The following TRPV4 variants were observed in gnomAD, a reference collection of about 807,000 sequenced individuals.
TRPV4 encodes OSM9-like transient receptor potential channel 4.
TRPV4 carries 58 observed loss-of-function variants against 84.1 expected under a neutral mutation model. That is an observed-to-expected ratio of 0.69 (90% confidence interval 0.56 to 0.86). The LOEUF is 0.86. Among genes scored for constraint, TRPV4 ranks in the 40% least tolerant of loss-of-function variants. TRPV4 has a pLI of 0.00. For missense variants in TRPV4, 879 were observed against 1,181.1 expected (o/e 0.74, Z 3.75); for synonymous variants, 489 against 500.9 (o/e 0.98, Z 0.32).
rs370996710 is a variant in TRPV4, at chr12:109,792,041, G to A, written c.1891+322C>T. On this transcript the variant is annotated intron_variant, in intron 12 of 15. Coordinates refer to ENST00000261740, the MANE Select transcript of TRPV4 (RefSeq NM_021625.5). ...AGGTCAGGAGTTCAAGACCAGCATG[G>A]CCAACATGGTGAAACCCCATCTCTA... Among the ~76,000 whole-genome samples, 37 of 149,370 alleles carry A rather than the reference G, an allele frequency of 2.5e-4. No individual in the cohort carries two copies. The East Asian group carries it at 6.3e-3, about 25-fold the overall frequency.
intron 2 of TRPV4, among the ~76,000 whole-genome samples, chr12:109,812,107 C>A (rs575191600): frequency 1.3e-4 from 20 of 152,174 alleles, no homozygotes; most frequent in Admixed American, 2.0e-4. Flanking sequence ...AGGGAGTCTG[C>A]AGGTGACAGA....
At position 109,788,320 on chromosome 12, in the gene TRPV4, C is replaced by T. The variant is rs987602470; in HGVS notation, c.2208+80G>A. 5 of 1,405,218 alleles carry T rather than the reference C, an allele frequency of 3.6e-6. No homozygotes were observed. In the African/African-American group the frequency reaches 7.1e-5, roughly 20 times the overall value. The allele number at this position is 1,405,218 out of a possible 1,614,324, so 87.0% of individuals were successfully genotyped here. A position where few individuals can be genotyped will look rare whatever the true frequency, so the allele number is the denominator to read the frequency against. On this transcript the variant is annotated intron_variant, in intron 13 of 15. Coordinates refer to ENST00000261740, the MANE Select transcript of TRPV4 (RefSeq NM_021625.5). ...GACACTGCTTGCTCAGAGTGGAAGGCCGAGGAAGCCAGTCGGGTGGGTCTC... is the reference window on the plus strand; with the variant it reads ...GACACTGCTTGCTCAGAGTGGAAGGTCGAGGAAGCCAGTCGGGTGGGTCTC...
At chr12:109,794,239 A>G (rs1592830660) in intron 8 of TRPV4, 90 bp downstream of exon 8, 1 of 1,521,230 alleles carries the variant, frequency 6.6e-7, no homozygotes, top group Non-Finnish European at 9.0e-7. Flanking sequence ...GTCCCCCTAC[A>G]GGGGACCCAG....
At chr12:109,820,084 A>G (rs1312744066) in intron 1 of TRPV4, among the ~76,000 whole-genome samples, 3 of 152,178 alleles carry the variant, frequency 2.0e-5, no homozygotes, top group Non-Finnish European at 4.4e-5. Flanking sequence ...AGCACCTACT[A>G]TGTGCCAGGC....
At chr12:109,808,132 A>G (rs1375709003) in intron 3 of TRPV4, among the ~76,000 whole-genome samples, 164 bp downstream of exon 3, 1 of 152,224 alleles carries the variant, frequency 6.6e-6, no homozygotes, top group African/African-American at 2.4e-5. Flanking sequence ...GTTAAGTAAC[A>G]TGGTGAAGGA....
Position 109,793,613 on chromosome 12 carries a change from AG to A in TRPV4, c.1585-14del. 6.2e-7 allele frequency: 1 copy of A among 1,612,538 alleles called. No homozygotes were observed. The highest frequency in any genetic ancestry group is 8.5e-7 in the Non-Finnish European group (1 of 1,178,746). On this transcript the variant is annotated splice_polypyrimidine_tract_variant and intron_variant, in intron 9 of 15. Transcript: ENST00000261740. This position sits in a 1 kb window ranked among gnomAD's most constrained non-coding sequence, Gnocchi z 4.0. ...ACAAGTCTTTGATCTGGAAGACAGGAGGGGGCACGTGAAAGGGGTGGGGCCA... is the reference window on the plus strand; with the variant it reads ...ACAAGTCTTTGATCTGGAAGACAGGAGGGGCACGTGAAAGGGGTGGGGCCA...
rs151286044 is a variant in TRPV4 at position 109,783,198 on chromosome 12, C to T, written c.*423G>A. On this transcript the variant is annotated 3_prime_UTR_variant, in exon 16 of 16. Coordinates refer to ENST00000261740, the MANE Select transcript of TRPV4 (RefSeq NM_021625.5). The surrounding 1 kb of genome is among the most constrained non-coding windows in gnomAD (Gnocchi z 4.6). ...GCCCCAGCCCCTTGCAAAGCTGCCA[C>T]GCTGCCAAAAATGGTGGCGCATGCA... 5.6e-3 allele frequency: 1,014 copies of T among 181,410 alleles called. 3 individuals carry two copies. Among genetic ancestry groups the T allele is most frequent in the Middle Eastern group, 0.01 (4 of 386 alleles). The allele number at this position is 181,410 out of a possible 1,614,324, so 11.2% of individuals were successfully genotyped here.
rs1239811879 is a variant in TRPV4, at chr12:109,798,577, G to A, written c.1152+37C>T. The A allele has an allele frequency of 1.2e-6, 2 of 1,605,390 alleles. No individual in the cohort carries two copies. The highest frequency in any genetic ancestry group is 2.2e-5 in the South Asian group (2 of 90,978). On this transcript the variant is annotated intron_variant, in intron 6 of 15. Coordinates refer to ENST00000261740, the MANE Select transcript of TRPV4 (RefSeq NM_021625.5). This position sits in a 1 kb window ranked among gnomAD's most constrained non-coding sequence, Gnocchi z 5.0. ...CGTGTGTGTGTGCAGAGGGGTACGAGTAGGTGGATCAGCTGTGCCCCCAGC... is the reference window on the plus strand; with the variant it reads ...CGTGTGTGTGTGCAGAGGGGTACGAATAGGTGGATCAGCTGTGCCCCCAGC...
intron 1 of TRPV4, among the ~76,000 whole-genome samples, chr12:109,824,750 C>T (rs1408869481): frequency 1.1e-5 from 1 of 89,922 alleles, no homozygotes; most frequent in Non-Finnish European, 2.1e-5. Flanking sequence ...GAGCGAGACT[C>T]CATCTCAACA....
At chr12:109,784,483 C>G (rs1165011668) in intron 14 of TRPV4, 46 bp from the exon 15 acceptor site, 1 of 1,613,910 alleles carries the variant, frequency 6.2e-7, no homozygotes, top group African/African-American at 1.3e-5. Context: ...CTCAGAGACG[C>G]TCTCCATGCC....
intron 2 of TRPV4, among the ~76,000 whole-genome samples, chr12:109,811,992 G>A (rs1891550947): frequency 6.6e-6 from 1 of 152,164 alleles, no homozygotes; most frequent in South Asian, 2.1e-4. Flanking sequence ...AGGAGGAGCT[G>A]GCTAGGAGAC....
At chr12:109,792,992 A>G (rs1403298280) in intron 10 of TRPV4, among the ~76,000 whole-genome samples, 175 bp from the exon 11 acceptor site, 1 of 152,230 alleles carries the variant, frequency 6.6e-6, no homozygotes, top group African/African-American at 2.4e-5. Flanking sequence ...TGTTAACAAG[A>G]ACATTCAATT....
intron 4 of TRPV4, among the ~76,000 whole-genome samples, chr12:109,801,733 G>C (rs1890798705): frequency 6.6e-6 from 1 of 152,036 alleles, no homozygotes; most frequent in African/African-American, 2.4e-5. Flanking sequence ...GGGAGGGTGA[G>C]GTGGGAGACT....
At chr12:109,800,862 G>T in intron 4 of TRPV4, 104 bp from the exon 5 acceptor site, 1 of 990,560 alleles carries the variant, frequency 1.0e-6, no homozygotes, top group Non-Finnish European at 1.5e-6. Flanking sequence ...GGGGGGTGGG[G>T]GATGCAGGCA....
Position 109,796,711 on chromosome 12 carries a change from A to G in TRPV4, c.1153-7T>C. ...GGATGATGTGCTGAAAGATCTGCAC[A>G]GGGGGCCAGGAGGGTCAGGGGGCTC... On this transcript the variant is annotated splice_region_variant and splice_polypyrimidine_tract_variant and intron_variant, in intron 6 of 15. Transcript: ENST00000261740. This position sits in a 1 kb window ranked among gnomAD's most constrained non-coding sequence, Gnocchi z 4.2. The G allele has an allele frequency of 6.2e-7, 1 of 1,608,594 alleles. No homozygotes were observed. Among genetic ancestry groups the G allele is most frequent in the South Asian group, 1.1e-5 (1 of 90,728 alleles).
Position 109,792,402 on chromosome 12 carries a change from G to A in TRPV4, c.1852C>T (p.Leu618=), listed in dbSNP as rs1565864004. The change falls in exon 12 of 16, where the codon CTG becomes TTG. Residue 618 remains leucine, a synonymous_variant. Transcript: ENST00000261740. ...ATCATGAAGAGCAAGTAGACGAGCA[G>A]GAATCGGAAAAGGTCCTTGAAGAGA... The part of the protein sequence containing the change: ...KILFKDLFRF[L]LVYLLFMIGY... 1.2e-6 allele frequency: 2 copies of A among 1,613,862 alleles called. No individual in the cohort carries two copies. The highest frequency in any genetic ancestry group is 8.5e-7 in the Non-Finnish European group (1 of 1,180,024).
intron 1 of TRPV4, among the ~76,000 whole-genome samples, chr12:109,829,875 G>T (rs1369719997): frequency 6.6e-6 from 1 of 152,232 alleles, no homozygotes; most frequent in Non-Finnish European, 1.5e-5. Context: ...GACTGCAGTG[G>T]CACAATCGCA....
intron 3 of TRPV4, among the ~76,000 whole-genome samples, chr12:109,803,422 G>A (rs776066288): frequency 6.6e-6 from 1 of 152,066 alleles, no homozygotes; most frequent in Non-Finnish European, 1.5e-5. Flanking sequence ...AATCTTATTT[G>A]GGAAGATTTT....
intron 3 of TRPV4, among the ~76,000 whole-genome samples, chr12:109,808,055 C>T (rs1176118655): frequency 2.6e-5 from 4 of 152,196 alleles, no homozygotes; most frequent in Non-Finnish European, 2.9e-5. Flanking sequence ...ACTACACTAA[C>T]CTTTTCATAC....
Sources: allele counts gnomAD v4.1 joint callset (sites outside exome capture counted in the v4.1 genomes callset), GRCh38; gene constraint gnomAD v4.1.1; non-coding constraint Gnocchi (gnomAD v3.1); transcripts MANE v1.5; gene names NCBI Gene and HGNC (gene_info 2026-07-23, HGNC 2026-07-21).